The following NBPF26 variants were observed in gnomAD, a reference collection of about 807,000 sequenced individuals.
The protein encoded by NBPF26 is NBPF member 26, also known as NBPF family member NBPF26.
In NBPF26, 79 loss-of-function variants were observed where a neutral mutation model predicts 119.6. The observed-to-expected ratio is 0.66, with a 90% CI of 0.55 to 0.80. The LOEUF (loss-of-function observed/expected upper bound fraction) is 0.80. Ranked by LOEUF, NBPF26 falls within the 30% of genes least tolerant of loss-of-function variation. NBPF26 has a pLI of 0.00. For synonymous variants in NBPF26, 299 were observed against 457.7 expected (o/e 0.65, Z 4.43); for missense variants, 800 against 1,198.2 (o/e 0.67, Z 4.91).
chr1:120,819,319 T>A (rs1652081512), intron 15 of NBPF26, among the ~76,000 whole-genome samples: 1 of 115,946 alleles, frequency 8.6e-6, no homozygotes, highest in South Asian at 2.5e-4. Context: ...TTTTTTTGTT[T>A]TCCATTTGCT....
At position 120,823,402 on chromosome 1, in the gene NBPF26, C is replaced by A. The variant is rs1553272284; in HGVS notation, c.2639+42C>A. The A allele has an allele frequency of 1.4e-4, 104 of 763,744 alleles. 13 individuals carry two copies. Among genetic ancestry groups the A allele is most frequent in the African/African-American group, 2.2e-4 (7 of 31,428 alleles). The allele number at this position is 763,744 out of a possible 1,614,324, so 47.3% of individuals were successfully genotyped here. ...GTGGACAGTTAATTTGATGTTGACA[C>A]CTGGAGATGCCAAGTCCAGGGAAAA... On this transcript the variant is annotated intron_variant, in intron 17 of 29. Coordinates refer to ENST00000620612, the Ensembl canonical transcript of NBPF26.
In NBPF26 at chr1:120,818,286, C is replaced by G; in HGVS notation, c.2423+112C>G. On this transcript the variant is annotated intron_variant, in intron 15 of 29. Coordinates refer to ENST00000620612, the Ensembl canonical transcript of NBPF26. ...ACTATTTCTTCCATTCACCCAGCTACAAATTGTGCTGATTTACAATGTTGT... is the reference window on the plus strand; with the variant it reads ...ACTATTTCTTCCATTCACCCAGCTAGAAATTGTGCTGATTTACAATGTTGT... 1.0e-5 allele frequency: 4 copies of G among 389,250 alleles called. No homozygotes were observed. The Admixed American group carries it at 1.8e-4, about 17-fold the overall frequency. The allele number at this position is 389,250 out of a possible 1,614,324, so 24.1% of individuals were successfully genotyped here.
chr1:120,765,030 A>G (rs1316878191), intron 2 of NBPF26, among the ~76,000 whole-genome samples: 1 of 94,158 alleles, frequency 1.1e-5, no homozygotes, highest in African/African-American at 6.8e-5. Flanking sequence ...TTTCTTCACT[A>G]AAGTGAAAAT....
intron 10 of NBPF26, among the ~76,000 whole-genome samples, chr1:120,813,005 G>A (rs1252767323): frequency 2.5e-5 from 3 of 118,960 alleles, no homozygotes; most frequent in Admixed American, 8.0e-5. Context: ...TGAGAGTGAA[G>A]TCCTGCTTCC....
chr1:120,752,612 C>T (rs1215164503), intron 1 of NBPF26, among the ~76,000 whole-genome samples: 1 of 30,362 alleles, frequency 3.3e-5, no homozygotes, highest in African/African-American at 4.2e-4. Context: ...GCTCTGTCGC[C>T]CAGGCTGGAG....
rs1350861010 is a variant in NBPF26, at chr1:120,724,055, C to A, written c.-123C>A. 4.4e-5 allele frequency: 57 copies of A among 1,282,218 alleles called. 10 individuals carry two copies. The Admixed American group carries it at 1.2e-3, about 26-fold the overall frequency. The allele number at this position is 1,282,218 out of a possible 1,614,324, so 79.4% of individuals were successfully genotyped here. On this transcript the variant is annotated 5_prime_UTR_variant, in exon 1 of 30. Transcript: ENST00000620612. ...TCGGAGCGTAGCGCCAGGGCCTGAG[C>A]CTTTGAAGCAGGAGGAGGGGAGGAG...
rs1186743767 is a variant in NBPF26, at chr1:120,832,774, G to GCTGAGGAGC, written c.3263-94_3263-86dup. ...ATCTCTCACAGTGTCCTATTCTTAT[G>GCTGAGGAGC]CTGAGGAGCCTGAGGTCCCTGTGTG... On this transcript the variant is annotated intron_variant, in intron 22 of 29. Coordinates refer to ENST00000620612, the Ensembl canonical transcript of NBPF26. 3.3e-5 allele frequency: 19 copies of GCTGAGGAGC among 578,826 alleles called. 3 individuals carry two copies. The African/African-American group carries it at 4.9e-4, about 15-fold the overall frequency. 35.9% of individuals were successfully genotyped at this position (578,826 alleles called of 1,614,324 possible). A position where few individuals can be genotyped will look rare whatever the true frequency, so the allele number is the denominator to read the frequency against.
At position 120,810,733 on chromosome 1, in the gene NBPF26, G is replaced by A. The variant is rs1277529318; in HGVS notation, c.1564+175G>A. Reference sequence around the variant, plus strand: ...CTTTGGAAGGCCCAAGTGGGACGATGACTTGAGTTCAGGAGTTGAAGACCA... The same window carrying A: ...CTTTGGAAGGCCCAAGTGGGACGATAACTTGAGTTCAGGAGTTGAAGACCA... On this transcript the variant is annotated intron_variant, in intron 9 of 29. Coordinates refer to ENST00000620612, the Ensembl canonical transcript of NBPF26. 1.8e-5 allele frequency among the ~76,000 whole-genome samples: 2 copies of A among 113,150 alleles called. 1 individual carries two copies. The highest frequency in any genetic ancestry group is 3.4e-5 in the Non-Finnish European group (2 of 57,992). The allele number at this position is 113,150 out of a possible 152,430, so 74.2% of individuals were successfully genotyped here.
At chr1:120,810,064 G>T (rs1450686220) in intron 8 of NBPF26, among the ~76,000 whole-genome samples, 181 bp downstream of exon 8, 35 of 131,378 alleles carry the variant, frequency 2.7e-4, no homozygotes, top group African/African-American at 1.2e-3. Context: ...TGTGTGCCAA[G>T]TGTCATGTCT....
chr1:120,790,483 T>C (rs1449346511), intron 3 of NBPF26, among the ~76,000 whole-genome samples: 2 of 116,562 alleles, frequency 1.7e-5, no homozygotes, highest in Non-Finnish European at 3.3e-5. Context: ...TGCCTATACA[T>C]AATATATATG....
chr1:120,840,308 G>T lies in NBPF26; in HGVS notation c.4104-42G>T. The T allele has an allele frequency of 1.4e-6, 2 of 1,443,488 alleles. 1 individual carries two copies. The highest frequency in any genetic ancestry group is 1.8e-6 in the Non-Finnish European group (2 of 1,082,332). The allele number at this position is 1,443,488 out of a possible 1,614,324, so 89.4% of individuals were successfully genotyped here. A position where few individuals can be genotyped will look rare whatever the true frequency, so the allele number is the denominator to read the frequency against. On this transcript the variant is annotated intron_variant, in intron 29 of 29. Transcript: ENST00000620612. ...AATCTAGTGGGGCTCTGTGGTGTCC[G>T]ATTTTCCCTGGCTGCTTCTTTAGTT... is the stretch of plus-strand genomic sequence containing the variant.
chr1:120,806,478 C>G (rs1278640501), intron 5 of NBPF26, among the ~76,000 whole-genome samples: 2 of 118,890 alleles, frequency 1.7e-5, no homozygotes, highest in African/African-American at 8.3e-5. Flanking sequence ...CTGTAATCAC[C>G]ACTAATCGGG....
chr1:120,779,812 C>T (rs1306162990), intron 2 of NBPF26, among the ~76,000 whole-genome samples: 2 of 121,834 alleles, frequency 1.6e-5, no homozygotes, highest in Non-Finnish European at 3.4e-5. Flanking sequence ...TCCACCAAGA[C>T]TAACAGAGTA....
chr1:120,840,462 TA>T lies in NBPF26; in HGVS notation c.4217del (p.Tyr1406SerfsTer26). Reference sequence around the variant, plus strand: ...TGAACTACCTGACTCATTCCAGCACTACAGAAGTGTGTTTTACTCATTTGAG... The same window carrying T: ...TGAACTACCTGACTCATTCCAGCACTCAGAAGTGTGTTTTACTCATTTGAG... On this transcript the variant is annotated frameshift_variant, in exon 30 of 30. Coordinates refer to ENST00000620612, the Ensembl canonical transcript of NBPF26. LOFTEE classifies it low-confidence loss of function (END_TRUNC). 6.8e-7 allele frequency: 1 copy of T among 1,478,576 alleles called. No individual in the cohort carries two copies. Among genetic ancestry groups the T allele is most frequent in the Non-Finnish European group, 9.2e-7 (1 of 1,092,174 alleles). 91.6% of individuals were successfully genotyped at this position (1,478,576 alleles called of 1,614,324 possible). A position where few individuals can be genotyped will look rare whatever the true frequency, so the allele number is the denominator to read the frequency against.
chr1:120,812,940 AAT>A (rs1651907111), intron 10 of NBPF26, among the ~76,000 whole-genome samples: 4 of 117,556 alleles, frequency 3.4e-5, no homozygotes, highest in Admixed American at 1.6e-4. Flanking sequence ...TAATAATAAT[AAT>A]AATAATAATA....
chr1:120,755,972 A>G lies in NBPF26; in HGVS notation c.74-7656A>G, dbSNP rs1430974752. ...TTTTTTTTTCCTTTCAATCAAGACA[A>G]ATTTCAAGGAGGAAGACAGATGTTT... On this transcript the variant is annotated intron_variant, in intron 1 of 29. Transcript: ENST00000620612. Among the ~76,000 whole-genome samples the G allele has an allele frequency of 4.5e-5, 5 of 109,980 alleles. 1 individual carries two copies. Among genetic ancestry groups the G allele is most frequent in the Non-Finnish European group, 6.8e-5 (4 of 58,624 alleles). The allele number at this position is 109,980 out of a possible 152,430, so 72.2% of individuals were successfully genotyped here. A position where few individuals can be genotyped will look rare whatever the true frequency, so the allele number is the denominator to read the frequency against.
In NBPF26 at chr1:120,764,083, C is replaced by T. The variant is rs1651162751; in HGVS notation, c.155+374C>T. On this transcript the variant is annotated intron_variant, in intron 2 of 29. Coordinates refer to ENST00000620612, the Ensembl canonical transcript of NBPF26. Reference sequence around the variant, plus strand: ...CCAACATAGTGAAACCCTATCTCTACTAAAAATACAAAAATTAGCCAGGTG... The same window carrying T: ...CCAACATAGTGAAACCCTATCTCTATTAAAAATACAAAAATTAGCCAGGTG... Among the ~76,000 whole-genome samples the T allele has an allele frequency of 3.7e-5, 4 of 109,130 alleles. 1 individual carries two copies. In the South Asian group the frequency reaches 1.1e-3, roughly 29 times the overall value. The allele number at this position is 109,130 out of a possible 152,430, so 71.6% of individuals were successfully genotyped here.
intron 15 of NBPF26, among the ~76,000 whole-genome samples, chr1:120,820,450 AT>A (rs1652107185): frequency 0.017 from 128 of 7,722 alleles, 5 homozygotes; most frequent in Admixed American, 0.044. Flanking sequence ...TATTAAAAAT[AT>A]ATATATATAT....
exon 30 of NBPF26, chr1:120,840,401 A>G (rs1652489267): frequency 1.4e-6 from 2 of 1,464,554 alleles, no homozygotes; most frequent in Non-Finnish European, 1.8e-6. Flanking sequence ...TGCAGGACTC[A>G]CTGGATATAT....
Sources: allele counts gnomAD v4.1 joint callset (sites outside exome capture counted in the v4.1 genomes callset), GRCh38; gene constraint gnomAD v4.1.1; transcripts MANE v1.5; gene names NCBI Gene and HGNC (gene_info 2026-07-23, HGNC 2026-07-21).